ARAP1: variants seen among roughly 807,000 people sequenced by gnomAD.
ARAP1 encodes ArfGAP with RhoGAP domain, ankyrin repeat and PH domain 1, also known as arf-GAP with Rho-GAP domain, ANK repeat and PH domain-containing protein 1.
ARAP1 carries 76 observed loss-of-function variants against 172.2 expected under a neutral mutation model. That is an observed-to-expected ratio of 0.44 (90% CI 0.37 to 0.53). The LOEUF (loss-of-function observed/expected upper bound fraction) is 0.53. Ranked by LOEUF, ARAP1 falls within the 20% of genes least tolerant of loss-of-function variation. The probability of loss-of-function intolerance (pLI) is 0.00; values close to 1 mark genes in which losing one functional copy is unlikely to be tolerated. For missense variants in ARAP1, 1,686 were observed against 1,977.5 expected (o/e 0.85, Z 2.80); for synonymous variants, 804 against 803.3 (o/e 1.00, Z -0.01).
At position 72,695,463 on chromosome 11, in the gene ARAP1, G is replaced by C; in HGVS notation, c.3508-8C>G. Reference sequence around the variant, plus strand: ...GATGAAGTCACCGGCATGCTGCAGGGAGACAGGGCTCAGCTGGGGGCCTAG... The same window carrying C: ...GATGAAGTCACCGGCATGCTGCAGGCAGACAGGGCTCAGCTGGGGGCCTAG... On this transcript the variant is annotated splice_region_variant and splice_polypyrimidine_tract_variant and intron_variant, in intron 25 of 34. Coordinates refer to ENST00000393609, the MANE Select transcript of ARAP1 (RefSeq NM_001040118.3). This position sits in a 1 kb window ranked among gnomAD's most constrained non-coding sequence, Gnocchi z 4.4. 1 of 1,614,250 alleles carries C rather than the reference G, an allele frequency of 6.2e-7. No homozygotes were observed. The highest frequency in any genetic ancestry group is 2.2e-5 in the East Asian group (1 of 44,890).
chr11:72,729,383 G>A lies in ARAP1; in HGVS notation c.-44-2211C>T, dbSNP rs530919417. On this transcript the variant is annotated intron_variant, in intron 2 of 34. Transcript: ENST00000393609. ...GAGGCAGGCAGATCCCCTGAGGTCA[G>A]GAGTTTGAGACCAGCTTGGCCAACA... is the stretch of plus-strand genomic sequence containing the variant. Among the ~76,000 whole-genome samples the A allele has an allele frequency of 9.4e-4, 143 of 152,296 alleles. 1 individual carries two copies. The highest frequency in any genetic ancestry group is 3.2e-3 in the African/African-American group (132 of 41,570).
intron 2 of ARAP1, 65 bp from the exon 3 acceptor site, chr11:72,727,237 G>T: frequency 1.5e-6 from 2 of 1,318,630 alleles, no homozygotes; most frequent in Non-Finnish European, 2.0e-6. Context: ...CTCACCAGCA[G>T]CCTGCATGGC....
Position 72,697,410 on chromosome 11 carries a change from T to C in ARAP1, c.2866A>G (p.Met956Val). The change falls in exon 21 of 35, where the codon ATG (methionine) becomes GTG (valine). Residue 956 changes from methionine (M) to valine (V), a missense_variant. Physicochemically the swap from Met to Val is conservative, Grantham distance 21. Around this residue, in one of 5 missense-constraint regions of ARAP1, gnomAD observed 274 missense variants for 262.7 expected, o/e 1.04. Transcript: ENST00000393609. ...LGAIQKAAASMGDTLSEQQLG... is the reference protein window; with the variant it reads ...LGAIQKAAASVGDTLSEQQLG... ...TGCTGCTCCGACAGCGTGTCCCCCATGCTGGCGGCTGCTTTCTGGATGGCC... is the reference window on the plus strand; with the variant it reads ...TGCTGCTCCGACAGCGTGTCCCCCACGCTGGCGGCTGCTTTCTGGATGGCC... 6.2e-7 allele frequency: 1 copy of C among 1,611,546 alleles called. No individual in the cohort carries two copies. Among genetic ancestry groups the C allele is most frequent in the Non-Finnish European group, 8.5e-7 (1 of 1,179,340 alleles).
rs1856389080 is a variant in ARAP1, at chr11:72,699,730, C to T, written c.2303-178G>A. Among the ~76,000 whole-genome samples the T allele has an allele frequency of 6.6e-6, 1 of 152,202 alleles. No homozygotes were observed. Among genetic ancestry groups the T allele is most frequent in the African/African-American group, 2.4e-5 (1 of 41,444 alleles). ...CCACGCTAGCCAGCCCACAAGTCAT[C>T]CGCTCCCCCAGGCCTCTGCAGCAGC... On this transcript the variant is annotated intron_variant, in intron 16 of 34. Coordinates refer to ENST00000393609, the MANE Select transcript of ARAP1 (RefSeq NM_001040118.3). The surrounding 1 kb of genome is among the most constrained non-coding windows in gnomAD (Gnocchi z 4.2).
At chr11:72,722,151 C>CAGAG (rs3029807) in intron 3 of ARAP1, 79 of 960,196 alleles carry the variant, frequency 8.2e-5, no homozygotes, top group Admixed American at 5.6e-4. Context: ...GAGGAAAGGA[C>CAGAG]AGAGAGAGAG....
chr11:72,752,321 C>G lies in ARAP1; in HGVS notation c.-128+7G>C, dbSNP rs891139058. 5.9e-5 allele frequency: 9 copies of G among 152,356 alleles called. No homozygotes were observed. Among genetic ancestry groups the G allele is most frequent in the Non-Finnish European group, 8.8e-5 (6 of 68,128 alleles). The allele number at this position is 152,356 out of a possible 1,614,324, so 9.4% of individuals were successfully genotyped here. ...GCAGACGGGGAGGCTCCGGCAGCCGCACTGACCTGTTTTGAGTAAAGACTC... is the reference window on the plus strand; with the variant it reads ...GCAGACGGGGAGGCTCCGGCAGCCGGACTGACCTGTTTTGAGTAAAGACTC... On this transcript the variant is annotated splice_region_variant and intron_variant, in intron 1 of 34. Coordinates refer to ENST00000393609, the MANE Select transcript of ARAP1 (RefSeq NM_001040118.3).
chr11:72,751,105 C>T (rs1858517878), intron 1 of ARAP1, among the ~76,000 whole-genome samples: 2 of 152,244 alleles, frequency 1.3e-5, no homozygotes, highest in African/African-American at 2.4e-5. Flanking sequence ...CTGCCCCCTC[C>T]ACCTCATCAG....
In ARAP1 at chr11:72,710,553, C is replaced by G. The variant is rs757898563; in HGVS notation, c.1248G>C (p.Gln416His). 3.7e-6 allele frequency: 6 copies of G among 1,611,086 alleles called. No individual in the cohort carries two copies. Among genetic ancestry groups the G allele is most frequent in the Admixed American group, 3.3e-5 (2 of 60,002 alleles). Reference protein sequence around the residue: ...ERKEWMQALQQAMAEQRARAR... With the variant: ...ERKEWMQALQHAMAEQRARAR... ...CCCGGGCACGCTGCTCAGCCATGGC[C>G]TGCTGCAGGGCCTGCATCCACTCCT... Residue 416 changes from glutamine (Q) to histidine (H), a missense_variant, in exon 10 of 35, where the codon CAG (glutamine) becomes CAC (histidine). Gln to His is a conservative substitution (Grantham distance 24). Transcript: ENST00000393609. This position sits in a 1 kb window ranked among gnomAD's most constrained non-coding sequence, Gnocchi z 4.3.
intron 23 of ARAP1, 33 bp downstream of exon 23, chr11:72,696,516 C>A: frequency 1.4e-6 from 2 of 1,454,782 alleles, no homozygotes; most frequent in South Asian, 1.5e-5. Flanking sequence ...TCATCCCATC[C>A]CCCCAGAATC....
chr11:72,708,753 C>T (rs192841697), intron 11 of ARAP1, among the ~76,000 whole-genome samples: 1 of 152,304 alleles, frequency 6.6e-6, no homozygotes, highest in East Asian at 1.9e-4. Flanking sequence ...AGGAATGGCA[C>T]AGGCCAGGTG....
intron 5 of ARAP1, 127 bp from the exon 6 acceptor site, chr11:72,712,695 C>A (rs759810367): frequency 6.9e-6 from 10 of 1,448,230 alleles, no homozygotes; most frequent in African/African-American, 1.4e-5. Context: ...AGTTCTGTTT[C>A]CTCACACTCC....
At chr11:72,751,657 G>A (rs759646949) in intron 1 of ARAP1, among the ~76,000 whole-genome samples, 21 of 151,950 alleles carry the variant, frequency 1.4e-4, no homozygotes, top group Non-Finnish European at 2.5e-4. Context: ...TATGGGATGT[G>A]GGGGAAGGGA....
In ARAP1 at chr11:72,697,070, C is replaced by T. The variant is rs373728374; in HGVS notation, c.3079G>A (p.Val1027Ile). ...AGGAAGCGCTTGAGCGCCGAGGAAA[C>T]ATCATCCACGTGCTGCTCGCCCTCC... ...LKEGEQHVDD[V>I]SSALKRFLRD... is the part of the protein sequence containing the mutation. The change falls in exon 22 of 35, where the codon GTT (valine) becomes ATT (isoleucine). Residue 1027 changes from valine to isoleucine, a missense_variant. Coordinates refer to ENST00000393609, the MANE Select transcript of ARAP1 (RefSeq NM_001040118.3). The T allele has an allele frequency of 3.0e-5, 48 of 1,610,180 alleles. No individual in the cohort carries two copies. Among genetic ancestry groups the T allele is most frequent in the African/African-American group, 4.0e-5 (3 of 74,948 alleles).
Position 72,718,244 on chromosome 11 carries a change from G to C in ARAP1, c.510-3923C>G, listed in dbSNP as rs539891652. Among the ~76,000 whole-genome samples the C allele has an allele frequency of 1.4e-4, 22 of 152,170 alleles. No individual in the cohort carries two copies. The South Asian group carries it at 2.3e-3, about 16-fold the overall frequency. On this transcript the variant is annotated intron_variant, in intron 3 of 34. Transcript: ENST00000393609. ...GCTTTCAGGAAGGCACAACATGTGG[G>C]AAAACCCCAGGGAAAAGGCAGTGAC...
Position 72,699,267 on chromosome 11 carries a change from C to A in ARAP1, c.2438+150G>T. 1 of 1,408,398 alleles carries A rather than the reference C, an allele frequency of 7.1e-7. No homozygotes were observed. The highest frequency in any genetic ancestry group is 2.4e-5 in the East Asian group (1 of 41,480). 87.2% of individuals were successfully genotyped at this position (1,408,398 alleles called of 1,614,324 possible). On this transcript the variant is annotated intron_variant, in intron 17 of 34. Coordinates refer to ENST00000393609, the MANE Select transcript of ARAP1 (RefSeq NM_001040118.3). This position sits in a 1 kb window ranked among gnomAD's most constrained non-coding sequence, Gnocchi z 4.2. ...TGGTGGAAAAGTCTTGGGCTGGGGC[C>A]TCAAGAGACTGGAGTCGGCCCTTGT...
rs202152583 is a variant in ARAP1 at position 72,697,514 on chromosome 11, G to A, written c.2790-28C>T. 3.1e-5 allele frequency: 50 copies of A among 1,612,042 alleles called. No homozygotes were observed. In the African/African-American group the frequency reaches 6.5e-4, roughly 21 times the overall value. ...GGGCCAGGGACAGTCAGTCACTGAG[G>A]GGCCTACACCTATCCCACCCTGTCC... is the stretch of plus-strand genomic sequence containing the variant. On this transcript the variant is annotated intron_variant, in intron 20 of 34. Transcript: ENST00000393609.
At chr11:72,703,861 C>T in intron 14 of ARAP1, 1 of 426,222 alleles carries the variant, frequency 2.3e-6, no homozygotes. Context: ...CTCTTTTTGG[C>T]AGGATTCAGA....
intron 2 of ARAP1, among the ~76,000 whole-genome samples, chr11:72,728,563 A>G (rs946890442): frequency 1.6e-4 from 25 of 152,336 alleles, no homozygotes; most frequent in African/African-American, 5.8e-4. Flanking sequence ...CCTGGGCAAC[A>G]GAGTGAGGCT....
At chr11:72,712,405 G>C in intron 6 of ARAP1, 33 bp downstream of exon 6, 1 of 1,550,014 alleles carries the variant, frequency 6.5e-7, no homozygotes, top group Non-Finnish European at 8.8e-7. Flanking sequence ...CTGAGGTTGG[G>C]CTCAGTGGGA....
Sources: gnomAD v4.1 joint callset for allele counts (sites outside exome capture counted in the v4.1 genomes callset) on GRCh38, gnomAD v4.1.1 for gene constraint, gnomAD v4.1.1 regional missense constraint, Gnocchi (gnomAD v3.1) non-coding constraint, MANE v1.5 for transcripts, NCBI Gene and HGNC (gene_info 2026-07-23, HGNC 2026-07-21) for gene names.